SLCO1A2: variants seen among roughly 807,000 people sequenced by gnomAD.
The protein encoded by SLCO1A2 is solute carrier organic anion transporter family member 1A2, also known as OATP-1.
A neutral mutation model predicts 69.0 loss-of-function variants in SLCO1A2; 67 were observed. The ratio of observed to expected loss-of-function variants is 0.97; its 90% CI spans 0.80 to 1.19. The LOEUF is 1.19. Ranked by LOEUF, SLCO1A2 falls within the 50% of genes most tolerant of loss-of-function variation. The pLI is 0.00. For synonymous variants in SLCO1A2, 260 were observed against 265.9 expected, an observed-to-expected ratio of 0.98 and a Z score of 0.22; for missense variants, 787 against 793.7, an observed-to-expected ratio of 0.99 and a Z score of 0.10.
chr12:21,299,848 A>G (rs1264791943), intron 8 of SLCO1A2, among the ~76,000 whole-genome samples: 1 of 140,860 alleles, frequency 7.1e-6, no homozygotes, highest in Admixed American at 7.4e-5. Context: ...GTGTATATAT[A>G]TACGTGTATA....
rs1481830482 is a variant in SLCO1A2, at chr12:21,265,155, GTCACCTTATTTCCTAA to G, written c.*4377_*4392del. 28 of 152,264 alleles carry G rather than the reference GTCACCTTATTTCCTAA, an allele frequency of 1.8e-4. No individual in the cohort carries two copies. The highest frequency in any genetic ancestry group is 1.8e-3 in the Admixed American group (28 of 15,272). The allele number at this position is 152,264 out of a possible 1,614,324, so 9.4% of individuals were successfully genotyped here. Reference sequence around the variant, plus strand: ...CTAGTTCTTCAGCAGCTGGGGATCTGTCACCTTATTTCCTAATGAATTCATGTGTTTTTCCGTAAGT... The same window carrying G: ...CTAGTTCTTCAGCAGCTGGGGATCTGTGAATTCATGTGTTTTTCCGTAAGT... On this transcript the variant is annotated 3_prime_UTR_variant, in exon 15 of 15. Coordinates refer to ENST00000683939, the MANE Select transcript of SLCO1A2 (RefSeq NM_001386879.1).
At chr12:21,400,197 C>A (rs1210504723), upstream of SLCO1A2, among the ~76,000 whole-genome samples, 1 of 152,148 alleles carries the variant, frequency 6.6e-6, no homozygotes, top group Admixed American at 6.5e-5. Flanking sequence ...ACAAACAACC[C>A]CATCAAAAAG....
At chr12:21,401,263 C>T (rs1054099189) in intron 1 of SLCO1A2, among the ~76,000 whole-genome samples, 6 of 151,878 alleles carry the variant, frequency 4.0e-5, no homozygotes, top group African/African-American at 1.2e-4. Context: ...GAATTTGATA[C>T]AGCAACATGA....
intron 2 of SLCO1A2, among the ~76,000 whole-genome samples, chr12:21,354,283 C>T (rs1938190527): frequency 6.6e-6 from 1 of 152,206 alleles, no homozygotes; most frequent in Admixed American, 6.5e-5. Flanking sequence ...AATCAACAAG[C>T]ATTCAATGAA....
chr12:21,275,145 T>C (rs12303996), intron 13 of SLCO1A2: 109,030 of 861,830 alleles, frequency 0.13, 8,028 homozygotes, highest in Non-Finnish European at 0.14. Context: ...CACCAGGGCC[T>C]GTTGTGGGGT....
chr12:21,385,618 A>G (rs1940838922), intron 1 of SLCO1A2, among the ~76,000 whole-genome samples: 1 of 152,180 alleles, frequency 6.6e-6, no homozygotes, highest in Admixed American at 6.5e-5. Context: ...AAGGAGTCCT[A>G]TTACCGTACA....
upstream of SLCO1A2, among the ~76,000 whole-genome samples, chr12:21,336,527 A>T (rs1482999938): frequency 6.6e-6 from 1 of 152,052 alleles, no homozygotes; most frequent in Admixed American, 6.6e-5. Context: ...GCACTTGAAA[A>T]GAATTACATG....
At position 21,266,791 on chromosome 12, in the gene SLCO1A2, C is replaced by A. The variant is rs1393499222; in HGVS notation, c.*2757G>T. On this transcript the variant is annotated 3_prime_UTR_variant, in exon 15 of 15. Transcript: ENST00000683939. ...CACAAAGCAACATTTCATTGCTTTG[C>A]AATAAAAAATTAATTAAAATAAAAC... 1 of 151,800 alleles carries A rather than the reference C, an allele frequency of 6.6e-6. No individual in the cohort carries two copies. Among genetic ancestry groups the A allele is most frequent in the African/African-American group, 2.4e-5 (1 of 41,322 alleles). 9.4% of individuals were successfully genotyped at this position (151,800 alleles called of 1,614,324 possible).
At chr12:21,378,587 A>C (rs1261152977) in intron 1 of SLCO1A2, 2 of 576,566 alleles carry the variant, frequency 3.5e-6, no homozygotes, top group Non-Finnish European at 6.1e-6. Context: ...TGTAGTACTA[A>C]CTAAGGTCCC....
intron 2 of SLCO1A2, among the ~76,000 whole-genome samples, chr12:21,354,071 G>A (rs1194458296): frequency 2.0e-5 from 3 of 152,142 alleles, no homozygotes; most frequent in African/African-American, 7.2e-5. Flanking sequence ...TGAAGATTAT[G>A]GGAGACATTG....
chr12:21,346,528 A>G lies in SLCO1A2; in HGVS notation c.-62-11819T>C, dbSNP rs568165375. Among the ~76,000 whole-genome samples the G allele has an allele frequency of 2.6e-5, 4 of 152,316 alleles. No homozygotes were observed. In the East Asian group the frequency reaches 5.8e-4, roughly 22 times the overall value. On this transcript the variant is annotated intron_variant, in intron 2 of 15. Coordinates refer to the SLCO1A2 transcript ENST00000307378. ...TTTTAGAAGATATGTTAGCAAAAAAAAAAAACATATGTGGAACAATGACTA... is the reference window on the plus strand; with the variant it reads ...TTTTAGAAGATATGTTAGCAAAAAAGAAAAACATATGTGGAACAATGACTA...
At chr12:21,334,364 G>A (rs780724087) in intron 2 of SLCO1A2, among the ~76,000 whole-genome samples, 16 of 152,164 alleles carry the variant, frequency 1.1e-4, no homozygotes, top group Non-Finnish European at 1.9e-4. Context: ...TTCCATTTAA[G>A]TCTCTCAAAG....
intron 2 of SLCO1A2, among the ~76,000 whole-genome samples, chr12:21,363,446 G>A (rs530889937): frequency 7.2e-5 from 11 of 152,208 alleles, no homozygotes; most frequent in Admixed American, 5.9e-4. Flanking sequence ...CAAAGCAGGA[G>A]AGATCTTAAA....
upstream of SLCO1A2, chr12:21,419,056 T>C (rs1407455030): frequency 6.6e-6 from 1 of 152,078 alleles, no homozygotes; most frequent in East Asian, 1.9e-4. Context: ...TTCAGGATAT[T>C]ACATATAAAA....
chr12:21,385,427 T>C (rs1940828550), intron 1 of SLCO1A2, among the ~76,000 whole-genome samples: 2 of 152,172 alleles, frequency 1.3e-5, no homozygotes, highest in Admixed American at 1.3e-4. Context: ...AAAAGACAAA[T>C]CCTTCTTGAA....
chr12:21,373,193 A>G (rs1366849315), intron 2 of SLCO1A2: 12 of 650,270 alleles, frequency 1.8e-5, no homozygotes, highest in Non-Finnish European at 3.3e-5. Flanking sequence ...GACAATATTA[A>G]GGGACTGTAT....
At chr12:21,390,681 G>C (rs1283438709) in intron 1 of SLCO1A2, among the ~76,000 whole-genome samples, 2 of 152,112 alleles carry the variant, frequency 1.3e-5, no homozygotes, top group East Asian at 3.9e-4. Flanking sequence ...CTGATGCTTT[G>C]GTGATTGCCA....
chr12:21,404,381 G>T (rs1941788591), intron 1 of SLCO1A2, among the ~76,000 whole-genome samples: 1 of 152,070 alleles, frequency 6.6e-6, no homozygotes, highest in South Asian at 2.1e-4. Flanking sequence ...TTATCCTGAT[G>T]CTCTCCCTCC....
At chr12:21,279,749 A>G (rs188756168) in intron 12 of SLCO1A2, among the ~76,000 whole-genome samples, 18 of 152,346 alleles carry the variant, frequency 1.2e-4, no homozygotes, top group Non-Finnish European at 2.2e-4. Flanking sequence ...ATGAGAATTC[A>G]TCTGAAGGTA....
Sources: allele counts gnomAD v4.1 joint callset (sites outside exome capture counted in the v4.1 genomes callset), GRCh38; gene constraint gnomAD v4.1.1; transcripts MANE v1.5; gene names NCBI Gene and HGNC (gene_info 2026-07-23, HGNC 2026-07-21).